Variants in TLK1 observed in about 807,000 individuals in gnomAD.
TLK1 encodes the protein serine/threonine-protein kinase tousled-like 1.
In TLK1, 24 loss-of-function variants were observed where a neutral mutation model predicts 105.3. That is an observed-to-expected ratio of 0.23 (90% CI 0.17 to 0.32). The LOEUF is 0.32. Ranked by LOEUF, TLK1 falls within the 10% of genes least tolerant of loss-of-function variation. The pLI, the probability that TLK1 is intolerant of heterozygous loss-of-function variation, is 1.00. For synonymous variants in TLK1, 321 were observed against 310.4 expected (o/e 1.03, Z -0.36); for missense variants, 558 against 910.5 (o/e 0.61, Z 4.98).
intron 18 of TLK1, among the ~76,000 whole-genome samples, chr2:171,003,596 C>T (rs926610746): frequency 5.3e-5 from 8 of 152,234 alleles, no homozygotes; most frequent in East Asian, 1.9e-4. Flanking sequence ...CTTTTTACTG[C>T]GATAGGCCTT....
intron 18 of TLK1, among the ~76,000 whole-genome samples, chr2:171,002,790 C>T (rs1363760402): frequency 6.6e-6 from 1 of 151,932 alleles, no homozygotes; most frequent in Admixed American, 6.6e-5. Context: ...TGTGTGCCAC[C>T]ACATTTGGCT....
At chr2:171,088,888 T>C (rs528585592) in intron 2 of TLK1, among the ~76,000 whole-genome samples, 198 of 152,284 alleles carry the variant, frequency 1.3e-3, no homozygotes, top group African/African-American at 4.4e-3. Flanking sequence ...AGAGAAGATA[T>C]GGGATACATG....
At chr2:171,208,926 G>A (rs1693558311) in intron 1 of TLK1, among the ~76,000 whole-genome samples, 1 of 152,194 alleles carries the variant, frequency 6.6e-6, no homozygotes, top group South Asian at 2.1e-4. Flanking sequence ...GAAATGACAT[G>A]TATGAGTTTA....
At chr2:171,168,425 C>T (rs868023077) in intron 1 of TLK1, among the ~76,000 whole-genome samples, 44 of 152,054 alleles carry the variant, frequency 2.9e-4, no homozygotes, top group Admixed American at 7.8e-4. Flanking sequence ...GAAGTAAGAG[C>T]GGGGATTCTG....
intron 1 of TLK1, among the ~76,000 whole-genome samples, chr2:171,175,315 A>G (rs1692800625): frequency 6.6e-6 from 1 of 152,246 alleles, no homozygotes. Flanking sequence ...TTTGAAAAAA[A>G]AAAGAAATAG....
chr2:171,210,830 A>G lies in TLK1; in HGVS notation c.-6+20315T>C, dbSNP rs570818363. Among the ~76,000 whole-genome samples, 3 of 152,326 alleles carry G rather than the reference A, an allele frequency of 2.0e-5. No homozygotes were observed. In the South Asian group the frequency reaches 6.2e-4, roughly 32 times the overall value. On this transcript the variant is annotated intron_variant, in intron 1 of 20. Coordinates refer to the TLK1 transcript ENST00000521943. Reference sequence around the variant, plus strand: ...AGAATGCCGTGAAATGTTGAGAAGAAATCTAGGAACTGATAACAGGATCTA... The same window carrying G: ...AGAATGCCGTGAAATGTTGAGAAGAGATCTAGGAACTGATAACAGGATCTA...
intron 3 of TLK1, among the ~76,000 whole-genome samples, chr2:171,062,475 T>C (rs1687801153): frequency 6.6e-6 from 1 of 152,166 alleles, no homozygotes; most frequent in African/African-American, 2.4e-5. Context: ...TTCTCCCACC[T>C]CCATTTTGCC....
At chr2:171,174,182 C>G (rs1309424901) in intron 1 of TLK1, among the ~76,000 whole-genome samples, 1 of 152,158 alleles carries the variant, frequency 6.6e-6, no homozygotes, top group East Asian at 1.9e-4. Context: ...TCTGGTTACT[C>G]TCTCATGGGA....
intron 1 of TLK1, among the ~76,000 whole-genome samples, chr2:171,123,726 G>A (rs1052802575): frequency 6.6e-6 from 1 of 152,172 alleles, no homozygotes; most frequent in Non-Finnish European, 1.5e-5. Context: ...TAGGAGAAGC[G>A]CTTGGGGCCA....
At chr2:171,161,158 G>A, upstream of TLK1, among the ~76,000 whole-genome samples, 1 of 148,116 alleles carries the variant, frequency 6.8e-6, no homozygotes, top group Non-Finnish European at 1.5e-5. Flanking sequence ...GGACTCGCGT[G>A]CGCGGGGGCA....
chr2:171,105,102 T>G (rs1437036599), intron 2 of TLK1, among the ~76,000 whole-genome samples: 2 of 152,170 alleles, frequency 1.3e-5, no homozygotes, highest in Non-Finnish European at 2.9e-5. Context: ...AGGTTAAGAT[T>G]TTATGAAGAA....
Position 171,160,195 on chromosome 2 carries a change from A to G in TLK1, c.139+95T>C. ...CATCCCCCACCCCAGGGTCTGGCGG[A>G]GAAGCCCCGGGGCGGGGGGGGCGGG... is the stretch of plus-strand genomic sequence containing the variant. On this transcript the variant is annotated intron_variant, in intron 1 of 20. Transcript: ENST00000431350. The surrounding 1 kb of genome is among the most constrained non-coding windows in gnomAD (Gnocchi z 4.4). 8.5e-7 allele frequency: 1 copy of G among 1,177,318 alleles called. No individual in the cohort carries two copies. The highest frequency in any genetic ancestry group is 2.9e-5 in the South Asian group (1 of 34,266). 72.9% of individuals were successfully genotyped at this position (1,177,318 alleles called of 1,614,324 possible). A position where few individuals can be genotyped will look rare whatever the true frequency, so the allele number is the denominator to read the frequency against.
At chr2:171,020,582 G>T (rs1162055812) in intron 12 of TLK1, among the ~76,000 whole-genome samples, 1 of 151,306 alleles carries the variant, frequency 6.6e-6, no homozygotes, top group Non-Finnish European at 1.5e-5. Context: ...TAAAAGGAAG[G>T]GCAGTGCAAA....
Position 171,028,384 on chromosome 2 carries a change from A to G in TLK1, c.1191T>C (p.His397=). Residue 397 remains histidine, a synonymous_variant, in exon 12 of 21, where the codon CAT becomes CAC. Coordinates refer to ENST00000431350, the MANE Select transcript of TLK1 (RefSeq NM_012290.5). Reference sequence around the variant, plus strand: ...TAAGTTTGAAAATTTCTTCCTGTTCATGATATTCTGCCAAAGTCAACCTGT... The same window carrying G: ...TAAGTTTGAAAATTTCTTCCTGTTCGTGATATTCTGCCAAAGTCAACCTGT... ...LPQLLTLAEY[H]EQEEIFKLRL... is the part of the protein sequence containing the mutation. 2 of 1,610,442 alleles carry G rather than the reference A, an allele frequency of 1.2e-6. No homozygotes were observed. The highest frequency in any genetic ancestry group is 1.1e-5 in the South Asian group (1 of 90,796).
At chr2:171,214,199 T>C (rs1480162838) in intron 1 of TLK1, among the ~76,000 whole-genome samples, 1 of 152,060 alleles carries the variant, frequency 6.6e-6, no homozygotes, top group East Asian at 1.9e-4. Flanking sequence ...AGTGAGATCC[T>C]GTCTCAAGAA....
At position 171,145,615 on chromosome 2, in the gene TLK1, A is replaced by G. The variant is rs528815177; in HGVS notation, c.139+14675T>C. On this transcript the variant is annotated intron_variant, in intron 1 of 20. Transcript: ENST00000431350. Reference sequence around the variant, plus strand: ...AAAAAAAAAAAAACAAAAAACAAATATAATGTATGAAGAGACAGGTATAAA... The same window carrying G: ...AAAAAAAAAAAAACAAAAAACAAATGTAATGTATGAAGAGACAGGTATAAA... Among the ~76,000 whole-genome samples, 7 of 152,116 alleles carry G rather than the reference A, an allele frequency of 4.6e-5. No individual in the cohort carries two copies. The East Asian group carries it at 1.4e-3, about 29-fold the overall frequency.
intron 1 of TLK1, among the ~76,000 whole-genome samples, chr2:171,200,730 T>A (rs190867668): frequency 6.6e-6 from 1 of 152,296 alleles, no homozygotes; most frequent in East Asian, 1.9e-4. Flanking sequence ...ACAAATTATT[T>A]GGGAGATTCA....
intron 12 of TLK1, among the ~76,000 whole-genome samples, chr2:171,022,537 A>C (rs1575524032): frequency 6.6e-6 from 1 of 152,112 alleles, no homozygotes. Flanking sequence ...TCCACTGAAA[A>C]CTACTGCCTA....
At chr2:171,038,030 T>A (rs1383724828) in intron 11 of TLK1, among the ~76,000 whole-genome samples, 1 of 152,236 alleles carries the variant, frequency 6.6e-6, no homozygotes, top group African/African-American at 2.4e-5. Flanking sequence ...TCACTTTATT[T>A]AATAGTTACA....
Sources: allele counts gnomAD v4.1 joint callset (sites outside exome capture counted in the v4.1 genomes callset), GRCh38; gene constraint gnomAD v4.1.1; non-coding constraint Gnocchi (gnomAD v3.1); transcripts MANE v1.5; gene names NCBI Gene and HGNC (gene_info 2026-07-23, HGNC 2026-07-21).